SLC7A2: variants seen among roughly 807,000 people sequenced by gnomAD.
The protein encoded by SLC7A2 is solute carrier family 7 member 2.
SLC7A2 carries 48 observed loss-of-function variants against 58.9 expected under a neutral mutation model. The observed-to-expected ratio is 0.82, with a 90% CI of 0.65 to 1.04. The LOEUF (loss-of-function observed/expected upper bound fraction) is 1.04, where lower values mean the gene tolerates loss of function less well. Ranked by LOEUF, SLC7A2 falls within the 50% of genes least tolerant of loss-of-function variation. SLC7A2 has a pLI of 0.00. For synonymous variants in SLC7A2, 363 were observed against 314.5 expected, an observed-to-expected ratio of 1.15 and a Z score of -1.63; for missense variants, 1,029 against 818.8, an observed-to-expected ratio of 1.26 and a Z score of -3.13.
At chr8:17,546,098 C>T (rs751993234) in intron 4 of SLC7A2, among the ~76,000 whole-genome samples, 1 of 152,130 alleles carries the variant, frequency 6.6e-6, no homozygotes, top group Non-Finnish European at 1.5e-5. Flanking sequence ...GTTTTGGTTT[C>T]TAAGCAGTCT....
intron 2 of SLC7A2, among the ~76,000 whole-genome samples, chr8:17,532,715 A>C (rs1205007325): frequency 1.3e-5 from 2 of 152,224 alleles, no homozygotes; most frequent in Non-Finnish European, 2.9e-5. Context: ...CATCAATAGG[A>C]ATTTTAAAGT....
intron 2 of SLC7A2, chr8:17,510,703 C>G (rs577708991): frequency 6.6e-6 from 1 of 152,300 alleles, no homozygotes; most frequent in Non-Finnish European, 1.5e-5. Flanking sequence ...CCTCAAGGAT[C>G]TAGAGCCAGA....
chr8:17,543,936 T>C (rs1802041764), intron 3 of SLC7A2, among the ~76,000 whole-genome samples: 1 of 152,198 alleles, frequency 6.6e-6, no homozygotes, highest in Non-Finnish European at 1.5e-5. Context: ...TGGCGTGATC[T>C]CAGCTCGCTG....
At chr8:17,520,433 G>A (rs974774955) in intron 2 of SLC7A2, among the ~76,000 whole-genome samples, 2 of 151,756 alleles carry the variant, frequency 1.3e-5, no homozygotes, top group Non-Finnish European at 2.9e-5. Context: ...CCGAGGTTGG[G>A]AATTTGAGAC....
At chr8:17,494,679 G>A (rs541549426), upstream of SLC7A2, among the ~76,000 whole-genome samples, 2 of 152,188 alleles carry the variant, frequency 1.3e-5, no homozygotes, top group Admixed American at 6.5e-5. Flanking sequence ...CTAAATCCGT[G>A]GGCATCCTAT....
At chr8:17,556,861 C>T (rs142759229) in intron 8 of SLC7A2, among the ~76,000 whole-genome samples, 31 of 152,172 alleles carry the variant, frequency 2.0e-4, no homozygotes, top group African/African-American at 6.5e-4. Context: ...TGCCCGGCCC[C>T]GCCTCCCAAA....
upstream of SLC7A2, among the ~76,000 whole-genome samples, chr8:17,495,352 G>A (rs1032060771): frequency 3.3e-4 from 51 of 152,256 alleles, no homozygotes; most frequent in African/African-American, 1.0e-3. Context: ...CCTCCTAGCC[G>A]TGGGATTGAG....
At chr8:17,537,691 T>G (rs1326134600) in intron 2 of SLC7A2, among the ~76,000 whole-genome samples, 2 of 152,008 alleles carry the variant, frequency 1.3e-5, no homozygotes, top group South Asian at 2.1e-4. Flanking sequence ...CCTAGCAGCT[T>G]GGGGAGAGGG....
In SLC7A2 at chr8:17,544,581, T is replaced by A. The variant is rs751528828; in HGVS notation, c.507T>A (p.Ala169=). The change falls in exon 4 of 13, where the codon GCT becomes GCA. Residue 169 remains alanine (A), a synonymous_variant. Coordinates refer to ENST00000494857, the MANE Select transcript of SLC7A2 (RefSeq NM_001370338.1). ...TTGCAGAATATCCCGATTTTTTTGC[T>A]GTGTGCCTTATATTACTTCTAGCAG... ...TGLAEYPDFF[A]VCLILLLAGL... is the part of the protein sequence containing the mutation. The A allele has an allele frequency of 6.2e-7, 1 of 1,614,086 alleles. No homozygotes were observed.
In SLC7A2 at chr8:17,566,477, C is replaced by G. The variant is rs1042796869; in HGVS notation, c.*1331C>G. The G allele has an allele frequency of 3.9e-5, 6 of 152,088 alleles. No individual in the cohort carries two copies. The highest frequency in any genetic ancestry group is 1.4e-4 in the African/African-American group (6 of 41,392). 9.4% of individuals were successfully genotyped at this position (152,088 alleles called of 1,614,324 possible). A position where few individuals can be genotyped will look rare whatever the true frequency, so the allele number is the denominator to read the frequency against. ...CCCCTACCCCATAAATTGTGTAGCA[C>G]TTTTTATTCCATTTGCTTTCAAATG... On this transcript the variant is annotated 3_prime_UTR_variant, in exon 13 of 13. Coordinates refer to ENST00000494857, the MANE Select transcript of SLC7A2 (RefSeq NM_001370338.1).
intron 2 of SLC7A2, among the ~76,000 whole-genome samples, chr8:17,528,458 C>T (rs1236289765): frequency 6.6e-6 from 1 of 152,050 alleles, no homozygotes; most frequent in Non-Finnish European, 1.5e-5. Flanking sequence ...GATTATGGCT[C>T]ACTGCAGCCT....
In SLC7A2 at chr8:17,567,940, G is replaced by A. The variant is rs1803340301; in HGVS notation, c.*2794G>A. 1.3e-5 allele frequency: 2 copies of A among 152,026 alleles called. No homozygotes were observed. Among genetic ancestry groups the A allele is most frequent in the Non-Finnish European group, 2.9e-5 (2 of 68,004 alleles). 9.4% of individuals were successfully genotyped at this position (152,026 alleles called of 1,614,324 possible). On this transcript the variant is annotated 3_prime_UTR_variant, in exon 13 of 13. Transcript: ENST00000494857. ...TTCCGACTGATCTGTCCTGGTAGGT[G>A]TTTATTAGCAAAAGTCAGTATCACC...
In SLC7A2 at chr8:17,543,691, AAT is replaced by A; in HGVS notation, c.353_354del (p.Asn118ThrfsTer21). The A allele has an allele frequency of 1.3e-6, 2 of 1,519,418 alleles. No homozygotes were observed. Among genetic ancestry groups the A allele is most frequent in the Non-Finnish European group, 1.8e-6 (2 of 1,134,856 alleles). 94.1% of individuals were successfully genotyped at this position (1,519,418 alleles called of 1,614,324 possible). ...GCTGTGGGCCTTCATCACTGGCTGG[AAT>A]CTCATTTTATCGTATGTGATAGGTA... ...GELWAFITGWNLILSYVIGTS... is the reference protein window; with the variant it reads ...GELWAFITGWXLILSYVIGTS... On this transcript the variant is annotated frameshift_variant, in exon 3 of 13. Transcript: ENST00000494857. LOFTEE classifies it high-confidence loss of function.
chr8:17,558,435 C>A (rs370370374), intron 9 of SLC7A2, 38 bp downstream of exon 9: 1 of 1,340,380 alleles, frequency 7.5e-7, no homozygotes, highest in South Asian at 1.2e-5. Flanking sequence ...GTACCATGCA[C>A]GAGGGACTCT....
At chr8:17,520,250 A>G (rs933170006) in intron 2 of SLC7A2, among the ~76,000 whole-genome samples, 4 of 152,146 alleles carry the variant, frequency 2.6e-5, no homozygotes, top group African/African-American at 9.7e-5. Flanking sequence ...ATATTTTAAG[A>G]CAGTTATCTG....
At chr8:17,508,632 G>A (rs1176232119) in intron 2 of SLC7A2, among the ~76,000 whole-genome samples, 7 of 152,106 alleles carry the variant, frequency 4.6e-5, no homozygotes, top group Admixed American at 4.6e-4. Context: ...GCTGCGGTAT[G>A]AGAATCATTT....
chr8:17,531,251 A>C (rs972740419), intron 2 of SLC7A2, among the ~76,000 whole-genome samples: 2 of 152,184 alleles, frequency 1.3e-5, no homozygotes, highest in Non-Finnish European at 2.9e-5. Context: ...CTCTTCTTAC[A>C]GTCTTCTTAT....
chr8:17,502,321 C>G lies in SLC7A2; in HGVS notation c.-23+19C>G, dbSNP rs1800192365. On this transcript the variant is annotated intron_variant, in intron 2 of 12. Transcript: ENST00000494857. ...CTTACAGGTTAGTGCTGATTTCAATCTTGGCTTGCACGTTGGAATGGAAAA... is the reference window on the plus strand; with the variant it reads ...CTTACAGGTTAGTGCTGATTTCAATGTTGGCTTGCACGTTGGAATGGAAAA... 1 of 151,882 alleles carries G rather than the reference C, an allele frequency of 6.6e-6. No individual in the cohort carries two copies. Among genetic ancestry groups the G allele is most frequent in the African/African-American group, 2.4e-5 (1 of 41,324 alleles). The allele number at this position is 151,882 out of a possible 1,614,324, so 9.4% of individuals were successfully genotyped here.
intron 2 of SLC7A2, among the ~76,000 whole-genome samples, chr8:17,537,414 T>C (rs760652451): frequency 6.6e-6 from 1 of 152,072 alleles, no homozygotes; most frequent in East Asian, 1.9e-4. Context: ...TGGTCCCCAG[T>C]GTGTGTGACT....
Sources: allele counts gnomAD v4.1 joint callset (sites outside exome capture counted in the v4.1 genomes callset), GRCh38; gene constraint gnomAD v4.1.1; transcripts MANE v1.5; gene names NCBI Gene and HGNC (gene_info 2026-07-23, HGNC 2026-07-21).